DEDD2: variants seen among roughly 807,000 people sequenced by gnomAD.
DEDD2 encodes death effector domain containing 2.
In DEDD2, 18 loss-of-function variants were observed where a neutral mutation model predicts 28.9. The ratio of observed to expected loss-of-function variants is 0.62; its 90% CI spans 0.43 to 0.92. The LOEUF is 0.92. Ranked by LOEUF, DEDD2 falls within the 40% of genes least tolerant of loss-of-function variation. The pLI is 0.00. For missense variants in DEDD2, 411 were observed against 463.3 expected, an observed-to-expected ratio of 0.89 and a Z score of 1.04; for synonymous variants, 211 against 206.1, an observed-to-expected ratio of 1.02 and a Z score of -0.20.
intron 2 of DEDD2, among the ~76,000 whole-genome samples, 166 bp downstream of exon 2, chr19:42,216,514 G>A (rs1019509640): frequency 6.6e-6 from 1 of 152,240 alleles, no homozygotes; most frequent in Admixed American, 6.5e-5. Context: ...CCAAAGCCAT[G>A]CTTTCTTCCT....
chr19:42,213,894 T>A (rs971115612), intron 3 of DEDD2, among the ~76,000 whole-genome samples: 2 of 152,218 alleles, frequency 1.3e-5, no homozygotes, highest in African/African-American at 4.8e-5. Context: ...AAATGGACCA[T>A]TAGAATGTCA....
At chr19:42,201,753 C>A in intron 4 of DEDD2, 1 of 372,672 alleles carries the variant, frequency 2.7e-6, no homozygotes, top group Non-Finnish European at 4.8e-6. Flanking sequence ...CTCCACCCAA[C>A]GCCCAGGGAA....
At chr19:42,210,848 C>T (rs1478379354) in intron 3 of DEDD2, among the ~76,000 whole-genome samples, 1 of 151,858 alleles carries the variant, frequency 6.6e-6, no homozygotes. Flanking sequence ...GTGGGTGGAT[C>T]ACTTGAGATC....
At chr19:42,208,211 A>AGCAATGGAACAT (rs2035609452) in intron 4 of DEDD2, among the ~76,000 whole-genome samples, 2 of 152,156 alleles carry the variant, frequency 1.3e-5, no homozygotes, top group Non-Finnish European at 2.9e-5. Flanking sequence ...TCCTCCCCAC[A>AGCAATGGAACAT]TGACCAAGTG....
At chr19:42,204,346 T>C (rs2035444815) in intron 4 of DEDD2, 1 of 152,244 alleles carries the variant, frequency 6.6e-6, no homozygotes, top group South Asian at 2.1e-4. Flanking sequence ...TGGAAGGTGT[T>C]GGATCATGGG....
intron 1 of DEDD2, 119 bp from the exon 2 acceptor site, chr19:42,217,164 C>T: frequency 1.4e-6 from 1 of 716,712 alleles, no homozygotes; most frequent in African/African-American, 1.8e-5. Flanking sequence ...GCACCCCCAA[C>T]CGCCTCGGCC....
At chr19:42,209,581 C>T (rs916963699) in intron 4 of DEDD2, 119 bp downstream of exon 4, 176 of 1,385,730 alleles carry the variant, frequency 1.3e-4, no homozygotes, top group Middle Eastern at 1.9e-4. Flanking sequence ...CTGTGGTGAA[C>T]GAGAGCTGAC....
chr19:42,200,578 T>G, intron 4 of DEDD2, among the ~76,000 whole-genome samples: 1 of 152,210 alleles, frequency 6.6e-6, no homozygotes, highest in East Asian at 1.9e-4. Context: ...CTGGCTCTAC[T>G]GGGAGTCAGG....
chr19:42,205,428 G>A (rs768627964), intron 4 of DEDD2, among the ~76,000 whole-genome samples: 8 of 152,006 alleles, frequency 5.3e-5, no homozygotes, highest in East Asian at 1.9e-4. Flanking sequence ...TCGGGAGTTC[G>A]AGACCAGCCT....
At chr19:42,201,857 C>T (rs1224552364) in intron 4 of DEDD2, 1 of 396,584 alleles carries the variant, frequency 2.5e-6, no homozygotes, top group East Asian at 3.6e-5. Context: ...TCCTTGACTC[C>T]AGTAAGCAAC....
chr19:42,215,030 C>G, intron 3 of DEDD2, 103 bp downstream of exon 3: 2 of 1,324,522 alleles, frequency 1.5e-6, no homozygotes, highest in South Asian at 1.3e-5. Context: ...CACACACACA[C>G]AGTGAAAATG....
At chr19:42,211,559 T>C (rs1395497650) in intron 3 of DEDD2, among the ~76,000 whole-genome samples, 5 of 152,146 alleles carry the variant, frequency 3.3e-5, no homozygotes, top group Non-Finnish European at 5.9e-5. Flanking sequence ...ACATTCTGAC[T>C]GTAAAATCTC....
rs1305977651 is a variant in DEDD2 at position 42,209,836 on chromosome 19, G to A, written c.453C>T (p.Ser151=). The change falls in exon 4 of 5, where the codon TCC becomes TCT. Residue 151 remains serine, a synonymous_variant. Transcript: ENST00000596251. Reference sequence around the variant, plus strand: ...TCCGCCGCTGCCGCTTGGTTGGGGGGGAGCCTGAGGGGAAAAAAATGGGGC... The same window carrying A: ...TCCGCCGCTGCCGCTTGGTTGGGGGAGAGCCTGAGGGGAAAAAAATGGGGC... ...NSQQGQWETG[S]PPTKRQRRSR... 7.9e-6 allele frequency: 12 copies of A among 1,523,582 alleles called. No individual in the cohort carries two copies. The highest frequency in any genetic ancestry group is 1.1e-5 in the Non-Finnish European group (12 of 1,137,176). The allele number at this position is 1,523,582 out of a possible 1,614,324, so 94.4% of individuals were successfully genotyped here.
At chr19:42,217,596 G>C (rs1487099953) in intron 1 of DEDD2, 36 bp downstream of exon 1, 1 of 156,736 alleles carries the variant, frequency 6.4e-6, no homozygotes, top group Admixed American at 6.5e-5. Flanking sequence ...CTGTCTACCC[G>C]CCACCAGTCA....
At chr19:42,201,411 C>A (rs2035325089) in intron 4 of DEDD2, among the ~76,000 whole-genome samples, 1 of 152,230 alleles carries the variant, frequency 6.6e-6, no homozygotes, top group Admixed American at 6.5e-5. Flanking sequence ...TAGAAAGGAA[C>A]AAGCTAGCAC....
Position 42,209,721 on chromosome 19 carries a change from A to G in DEDD2, c.568T>C (p.Ser190Pro), listed in dbSNP as rs1452276748. ...CTACCACAGGTCACTTTGCCTTCAG[A>G]GGAAGGTCTGGCGGGCTCTGACTGC... ...QQQSEPARPS[S>P]EGKVTCDIRL... The change falls in exon 4 of 5, where the codon TCT becomes CCT. Residue 190 changes from serine to proline, a missense_variant. Transcript: ENST00000596251. 1.2e-6 allele frequency: 2 copies of G among 1,607,832 alleles called. No homozygotes were observed. The highest frequency in any genetic ancestry group is 2.7e-5 in the African/African-American group (2 of 74,308).
chr19:42,199,649 G>C lies in DEDD2; in HGVS notation c.770C>G (p.Ser257Cys). The change falls in exon 5 of 5, where the codon TCC becomes TGC. Residue 257 changes from serine to cysteine, a missense_variant. Ser to Cys is a moderately radical substitution (Grantham distance 112). Coordinates refer to ENST00000596251, the MANE Select transcript of DEDD2 (RefSeq NM_133328.4). The surrounding 1 kb of genome is among the most constrained non-coding windows in gnomAD (Gnocchi z 7.4). The part of the protein sequence containing the change: ...VVCDIKFSEL[S>C]YLDAFWGDYL... ...GTCGCCCCAGAAGGCGTCCAGATAG[G>C]AGAGCTCTGAGAACTTGATGTCACA... is the stretch of plus-strand genomic sequence containing the variant. 1 of 1,614,136 alleles carries C rather than the reference G, an allele frequency of 6.2e-7. No homozygotes were observed. Among genetic ancestry groups the C allele is most frequent in the Non-Finnish European group, 8.5e-7 (1 of 1,179,982 alleles).
Position 42,199,317 on chromosome 19 carries a change from C to A in DEDD2, c.*121G>T. ...GGGGCTGTCAAGGGGCCTGCTGTCCCGGTCCTGTCGCAGTCCTCAAAGATG... is the reference window on the plus strand; with the variant it reads ...GGGGCTGTCAAGGGGCCTGCTGTCCAGGTCCTGTCGCAGTCCTCAAAGATG... On this transcript the variant is annotated 3_prime_UTR_variant, in exon 5 of 5. Transcript: ENST00000596251. The surrounding 1 kb of genome is among the most constrained non-coding windows in gnomAD (Gnocchi z 7.4). 7.3e-7 allele frequency: 1 copy of A among 1,372,010 alleles called. No individual in the cohort carries two copies. Among genetic ancestry groups the A allele is most frequent in the Non-Finnish European group, 9.6e-7 (1 of 1,042,128 alleles). The allele number at this position is 1,372,010 out of a possible 1,614,324, so 85.0% of individuals were successfully genotyped here.
intron 4 of DEDD2, chr19:42,201,595 C>T (rs114561703): frequency 5.7e-4 from 93 of 162,620 alleles, no homozygotes; most frequent in African/African-American, 2.1e-3. Flanking sequence ...CATGCTGTGG[C>T]TCCCTTCAAC....
Sources: allele counts gnomAD v4.1 joint callset (sites outside exome capture counted in the v4.1 genomes callset), GRCh38; gene constraint gnomAD v4.1.1; non-coding constraint Gnocchi (gnomAD v3.1); transcripts MANE v1.5; gene names NCBI Gene and HGNC (gene_info 2026-07-23, HGNC 2026-07-21).